Variants in PTGIS observed in about 807,000 individuals in gnomAD.
PTGIS encodes prostaglandin I2 synthase.
A neutral mutation model predicts 50.3 loss-of-function variants in PTGIS; 45 were observed. The observed-to-expected ratio is 0.90, with a 90% confidence interval of 0.70 to 1.15. PTGIS has a LOEUF of 1.15. Ranked by LOEUF, PTGIS falls within the 50% of genes most tolerant of loss-of-function variation. The probability of loss-of-function intolerance (pLI) is 0.00; values close to 1 mark genes in which losing one functional copy is unlikely to be tolerated. For synonymous variants in PTGIS, 260 were observed against 267.7 expected (o/e 0.97, Z 0.28); for missense variants, 668 against 661.3 (o/e 1.01, Z -0.11).
chr20:49,562,635 A>T lies in PTGIS; in HGVS notation c.74+5408T>A, dbSNP rs146915557. On this transcript the variant is annotated intron_variant, in intron 1 of 9. Coordinates refer to ENST00000244043, the MANE Select transcript of PTGIS (RefSeq NM_000961.4). ...CAGGGCGGTGGGCCCTGACCTTTCC[A>T]TCCCCGGCTCCTGCCCACACAGCCG... Among the ~76,000 whole-genome samples the T allele has an allele frequency of 8.7e-4, 132 of 152,168 alleles. 1 individual carries two copies. In the East Asian group the frequency reaches 0.024, roughly 27 times the overall value.
chr20:49,561,061 C>G (rs911315900), intron 1 of PTGIS, among the ~76,000 whole-genome samples: 1 of 152,160 alleles, frequency 6.6e-6, no homozygotes, highest in Non-Finnish European at 1.5e-5. Context: ...GGAGCCAGAC[C>G]TAACATCTGA....
intron 6 of PTGIS, among the ~76,000 whole-genome samples, chr20:49,522,629 C>T (rs894235920): frequency 1.3e-5 from 2 of 152,148 alleles, no homozygotes; most frequent in African/African-American, 4.8e-5. Context: ...TGCCCAGTGT[C>T]TCAATGGAAC....
chr20:49,536,018 C>A (rs1982059478), intron 5 of PTGIS, among the ~76,000 whole-genome samples: 1 of 152,200 alleles, frequency 6.6e-6, no homozygotes, highest in Non-Finnish European at 1.5e-5. Flanking sequence ...GCTAATATCT[C>A]TAAAAGATGT....
At chr20:49,522,416 A>T (rs947731667) in intron 6 of PTGIS, among the ~76,000 whole-genome samples, 12 of 151,636 alleles carry the variant, frequency 7.9e-5, no homozygotes, top group Non-Finnish European at 1.6e-4. Context: ...TGTTTCCTTG[A>T]CTCTCTGCCC....
At chr20:49,560,481 G>T (rs1373836608) in intron 1 of PTGIS, among the ~76,000 whole-genome samples, 2 of 152,190 alleles carry the variant, frequency 1.3e-5, no homozygotes, top group Non-Finnish European at 1.5e-5. Flanking sequence ...GGGATTACAG[G>T]CATGAGCCAC....
chr20:49,524,289 A>C (rs749894333), intron 5 of PTGIS, 50 bp from the exon 6 acceptor site: 18 of 1,594,788 alleles, frequency 1.1e-5, no homozygotes, highest in Non-Finnish European at 1.0e-5. Flanking sequence ...ACCATCCCAC[A>C]CCCAGGGCTG....
intron 5 of PTGIS, among the ~76,000 whole-genome samples, chr20:49,531,503 C>T (rs1291379074): frequency 1.3e-5 from 2 of 152,200 alleles, no homozygotes; most frequent in African/African-American, 2.4e-5. Flanking sequence ...TATTTACTTC[C>T]ATTCCTAATT....
At chr20:49,517,065 C>T (rs756407555) in intron 6 of PTGIS, among the ~76,000 whole-genome samples, 7 of 152,236 alleles carry the variant, frequency 4.6e-5, no homozygotes, top group South Asian at 2.1e-4. Context: ...CAATCCCACA[C>T]GTGCTGCGCC....
intron 5 of PTGIS, among the ~76,000 whole-genome samples, chr20:49,532,601 C>T (rs1981962269): frequency 1.3e-5 from 2 of 152,124 alleles, no homozygotes; most frequent in South Asian, 4.1e-4. Context: ...CTAATAAACG[C>T]TATATTATTA....
intron 6 of PTGIS, 74 bp downstream of exon 6, chr20:49,523,984 T>C: frequency 6.4e-7 from 1 of 1,563,212 alleles, no homozygotes; most frequent in Non-Finnish European, 8.8e-7. Context: ...TGCACAGACA[T>C]GCACACACAC....
intron 5 of PTGIS, among the ~76,000 whole-genome samples, chr20:49,524,469 T>A (rs919748762): frequency 3.9e-5 from 6 of 152,110 alleles, no homozygotes; most frequent in Non-Finnish European, 8.8e-5. Context: ...AGGGGTCTTG[T>A]CTCCTGCAGG....
intron 6 of PTGIS, among the ~76,000 whole-genome samples, chr20:49,518,886 C>T (rs1166482431): frequency 6.6e-6 from 1 of 152,188 alleles, no homozygotes; most frequent in Non-Finnish European, 1.5e-5. Context: ...GGCCCAGCAG[C>T]TCCCGTGGCC....
rs1981176370 is a variant in PTGIS at position 49,507,165 on chromosome 20, T to A, written c.*755A>T. 6.5e-6 allele frequency: 1 copy of A among 154,748 alleles called. No individual in the cohort carries two copies. Among genetic ancestry groups the A allele is most frequent in the African/African-American group, 2.4e-5 (1 of 41,428 alleles). The allele number at this position is 154,748 out of a possible 1,614,324, so 9.6% of individuals were successfully genotyped here. ...AGTCCTGGCTGGCTCCTTCCAGCCA[T>A]CTTGTCTGGGCTGTGTCTTCCTTAG... On this transcript the variant is annotated 3_prime_UTR_variant, in exon 10 of 10. Coordinates refer to ENST00000244043, the MANE Select transcript of PTGIS (RefSeq NM_000961.4).
intron 7 of PTGIS, among the ~76,000 whole-genome samples, chr20:49,513,512 G>C (rs1004605150): frequency 1.3e-5 from 2 of 151,702 alleles, no homozygotes; most frequent in African/African-American, 4.8e-5. Context: ...GTGGGAGCTA[G>C]GGAGATATCA....
rs1048358090 is a variant in PTGIS, at chr20:49,531,771, T to C, written c.674-7532A>G. On this transcript the variant is annotated intron_variant, in intron 5 of 9. Transcript: ENST00000244043. ...CTTCCTGAGTAGTTGAGACTACAGG[T>C]GTGAGCCACCACAACTGGCTAATTA... Among the ~76,000 whole-genome samples the C allele has an allele frequency of 2.6e-5, 4 of 152,222 alleles. No homozygotes were observed. The East Asian group carries it at 7.7e-4, about 29-fold the overall frequency.
intron 5 of PTGIS, among the ~76,000 whole-genome samples, chr20:49,534,354 C>T (rs1354637257): frequency 6.6e-6 from 1 of 152,192 alleles, no homozygotes; most frequent in Non-Finnish European, 1.5e-5. Flanking sequence ...CAGCAATGTT[C>T]GGGGGCTGCT....
Position 49,513,221 on chromosome 20 carries a change from G to C in PTGIS, c.1065C>G (p.Pro355=). The C allele has an allele frequency of 6.2e-7, 1 of 1,613,978 alleles. No homozygotes were observed. The highest frequency in any genetic ancestry group is 8.5e-7 in the Non-Finnish European group (1 of 1,180,030). Residue 355 remains proline (P), a synonymous_variant, in exon 8 of 10, where the codon CCC becomes CCG. Transcript: ENST00000244043. ...LSESLRLTAA[P]FITREVVVDL... ...CCACCACAACCTCGCGGGTGATGAA[G>C]GGGGCAGCTGTAAGCCTGAGGCTCT...
chr20:49,543,107 G>T lies in PTGIS; in HGVS notation c.521+1198C>A, dbSNP rs187795386. On this transcript the variant is annotated intron_variant, in intron 4 of 9. Coordinates refer to ENST00000244043, the MANE Select transcript of PTGIS (RefSeq NM_000961.4). ...TTAAATTTAAATTAAATTAAATTCTGGTTGGTTAAGGGCATCACTAAAATC... is the reference window on the plus strand; with the variant it reads ...TTAAATTTAAATTAAATTAAATTCTTGTTGGTTAAGGGCATCACTAAAATC... Among the ~76,000 whole-genome samples, 242 of 152,090 alleles carry T rather than the reference G, an allele frequency of 1.6e-3. 2 individuals are homozygous for T. Among genetic ancestry groups the T allele is most frequent in the Middle Eastern group, 6.8e-3 (2 of 294 alleles).
At chr20:49,542,105 A>T (rs1982245988) in intron 4 of PTGIS, among the ~76,000 whole-genome samples, 1 of 152,180 alleles carries the variant, frequency 6.6e-6, no homozygotes, top group African/African-American at 2.4e-5. Context: ...ACAAAGAGAG[A>T]GCGTGCCTGA....
Sources: allele counts gnomAD v4.1 joint callset (sites outside exome capture counted in the v4.1 genomes callset), GRCh38; gene constraint gnomAD v4.1.1; transcripts MANE v1.5; gene names NCBI Gene and HGNC (gene_info 2026-07-23, HGNC 2026-07-21).